The following RIC8B variants were observed in gnomAD, a reference collection of about 807,000 sequenced individuals.
RIC8B encodes the protein RIC8 guanine nucleotide exchange factor B, also known as chaperone Ric-8B.
RIC8B carries 16 observed loss-of-function variants against 57.5 expected under a neutral mutation model. The observed-to-expected ratio is 0.28, with a 90% confidence interval of 0.19 to 0.42. The LOEUF (loss-of-function observed/expected upper bound fraction) is 0.42, where lower values mean the gene tolerates loss of function less well. Among genes scored for constraint, RIC8B ranks in the 10% least tolerant of loss-of-function variants. The pLI, the probability that RIC8B is intolerant of heterozygous loss-of-function variation, is 1.00. For synonymous variants in RIC8B, 216 were observed against 250.8 expected, an observed-to-expected ratio of 0.86 and a Z score of 1.31; for missense variants, 481 against 677.0, an observed-to-expected ratio of 0.71 and a Z score of 3.21.
rs1951219267 is a variant in RIC8B, at chr12:106,887,227, G to A, written c.*1212G>A. ...TCATATATATACATATATACATAAT[G>A]TGCTTAACCACTGCCTTTTAAAACT... On this transcript the variant is annotated 3_prime_UTR_variant, in exon 10 of 10. Coordinates refer to ENST00000392837, the MANE Select transcript of RIC8B (RefSeq NM_001330145.2). The A allele has an allele frequency of 6.6e-6, 1 of 152,424 alleles. No individual in the cohort carries two copies. The highest frequency in any genetic ancestry group is 2.4e-5 in the African/African-American group (1 of 41,354). The allele number at this position is 152,424 out of a possible 1,614,324, so 9.4% of individuals were successfully genotyped here.
chr12:106,800,275 T>C (rs565523817), intron 2 of RIC8B, among the ~76,000 whole-genome samples: 6 of 152,244 alleles, frequency 3.9e-5, no homozygotes, highest in Middle Eastern at 3.4e-3. Context: ...GCAGCATCTT[T>C]CCGGGGAAGC....
intron 1 of RIC8B, among the ~76,000 whole-genome samples, chr12:106,777,494 G>A (rs776805067): frequency 4.6e-4 from 70 of 152,180 alleles, no homozygotes; most frequent in Admixed American, 8.5e-4. Context: ...GCATTGAGGA[G>A]TCCAACAGAG....
intron 6 of RIC8B, among the ~76,000 whole-genome samples, chr12:106,850,311 A>G (rs1206727357): frequency 3.3e-5 from 5 of 152,276 alleles, no homozygotes; most frequent in Admixed American, 6.5e-5. Flanking sequence ...ATAAAAAGCC[A>G]TAAAACTGGA....
At chr12:106,806,320 G>T (rs979774904) in intron 2 of RIC8B, among the ~76,000 whole-genome samples, 2 of 152,126 alleles carry the variant, frequency 1.3e-5, no homozygotes, top group African/African-American at 4.8e-5. Flanking sequence ...TCTTTCATCT[G>T]CATTTCAAAC....
intron 3 of RIC8B, among the ~76,000 whole-genome samples, chr12:106,819,008 G>A (rs191119402): frequency 1.1e-4 from 16 of 152,054 alleles, no homozygotes; most frequent in African/African-American, 2.9e-4. Context: ...TCAGTGATCC[G>A]CCCACCTTGG....
At chr12:106,872,298 G>C (rs1950466370) in intron 9 of RIC8B, among the ~76,000 whole-genome samples, 1 of 152,188 alleles carries the variant, frequency 6.6e-6, no homozygotes. Flanking sequence ...ATAAAGATAA[G>C]ATGTGTGCTT....
rs141083683 is a variant in RIC8B, at chr12:106,790,144, C to T, written c.132+6100C>T. On this transcript the variant is annotated intron_variant, in intron 2 of 9. Coordinates refer to ENST00000392837, the MANE Select transcript of RIC8B (RefSeq NM_001330145.2). ...ATGAATGACAGCTTGCTAACACTCA[C>T]ACCACTAGTTAGTGGTTCAGCCTCA... Among the ~76,000 whole-genome samples the T allele has an allele frequency of 5.1e-3, 780 of 152,284 alleles. 4 individuals carry two copies. Among genetic ancestry groups the T allele is most frequent in the African/African-American group, 0.018 (755 of 41,560 alleles).
intron 9 of RIC8B, among the ~76,000 whole-genome samples, chr12:106,871,939 T>C (rs995312235): frequency 2.0e-5 from 3 of 152,168 alleles, no homozygotes; most frequent in African/African-American, 7.2e-5. Context: ...GAGACTGACA[T>C]GGGGAGTGTG....
intron 4 of RIC8B, 37 bp from the exon 5 acceptor site, chr12:106,842,552 C>G (rs1237712254): frequency 6.7e-7 from 1 of 1,493,650 alleles, no homozygotes; most frequent in African/African-American, 1.4e-5. Flanking sequence ...ACTATTCAAT[C>G]AAGTTAAAAT....
chr12:106,846,669 G>C (rs1949201010), intron 6 of RIC8B, among the ~76,000 whole-genome samples: 1 of 150,702 alleles, frequency 6.6e-6, no homozygotes, highest in African/African-American at 2.4e-5. Flanking sequence ...TTTTCCACAA[G>C]GGATCCAGGT....
intron 7 of RIC8B, among the ~76,000 whole-genome samples, chr12:106,857,667 CT>C (rs979091379): frequency 6.6e-6 from 1 of 152,114 alleles, no homozygotes; most frequent in Admixed American, 6.5e-5. Flanking sequence ...CCCAGAAAAT[CT>C]TTTGTTTGCA....
intron 6 of RIC8B, among the ~76,000 whole-genome samples, chr12:106,849,452 C>G (rs1390984008): frequency 7.1e-6 from 1 of 140,530 alleles, no homozygotes. Context: ...CATGCCCGGC[C>G]AAAAATTAAA....
At chr12:106,841,044 A>G (rs1278472937) in intron 4 of RIC8B, among the ~76,000 whole-genome samples, 1 of 152,212 alleles carries the variant, frequency 6.6e-6, no homozygotes, top group Non-Finnish European at 1.5e-5. Flanking sequence ...AAACGTTCTG[A>G]ACTATAGATA....
At position 106,837,642 on chromosome 12, in the gene RIC8B, T is replaced by G. The variant is rs941037213; in HGVS notation, c.837-4947T>G. Among the ~76,000 whole-genome samples, 1,072 of 146,556 alleles carry G rather than the reference T, an allele frequency of 7.3e-3. 8 individuals carry two copies. The highest frequency in any genetic ancestry group is 0.012 in the Non-Finnish European group (815 of 66,244). On this transcript the variant is annotated intron_variant, in intron 4 of 9. Coordinates refer to ENST00000392837, the MANE Select transcript of RIC8B (RefSeq NM_001330145.2). ...TATTTACATCTGAAAATCTTTTGTT[T>G]TTTTTTTTTTTTTTTTTGACAGAGA...
chr12:106,775,822 A>T lies in RIC8B; in HGVS notation c.84+993A>T, dbSNP rs1054256711. Reference sequence around the variant, plus strand: ...ATGACTGGCGACTCCCTTCTGTGAAAACACACCCAACACCAAGTCACAACC... The same window carrying T: ...ATGACTGGCGACTCCCTTCTGTGAATACACACCCAACACCAAGTCACAACC... On this transcript the variant is annotated intron_variant, in intron 1 of 9. Transcript: ENST00000392837. Among the ~76,000 whole-genome samples the T allele has an allele frequency of 6.6e-5, 10 of 152,212 alleles. No individual in the cohort carries two copies. In the East Asian group the frequency reaches 1.3e-3, roughly 20 times the overall value.
At chr12:106,818,628 T>A (rs1014083673) in intron 3 of RIC8B, among the ~76,000 whole-genome samples, 8 of 152,188 alleles carry the variant, frequency 5.3e-5, no homozygotes, top group African/African-American at 1.9e-4. Flanking sequence ...TTTTTTATTC[T>A]TTTAAGACGT....
At position 106,794,949 on chromosome 12, in the gene RIC8B, A is replaced by G. The variant is rs377031398; in HGVS notation, c.132+10905A>G. Among the ~76,000 whole-genome samples the G allele has an allele frequency of 7.2e-5, 11 of 152,348 alleles. No individual in the cohort carries two copies. The East Asian group carries it at 9.6e-4, about 13-fold the overall frequency. ...ATTTGTATAAAACGATATGTATATA[A>G]TGTATTGTTCAGTCAGTAATATAGA... On this transcript the variant is annotated intron_variant, in intron 2 of 9. Transcript: ENST00000392837.
chr12:106,873,971 GT>G, intron 9 of RIC8B, among the ~76,000 whole-genome samples: 1 of 152,290 alleles, frequency 6.6e-6, no homozygotes, highest in Non-Finnish European at 1.5e-5. Context: ...AGCTCAGGTT[GT>G]TTTATCATTA....
chr12:106,860,441 C>CA (rs753118967), intron 8 of RIC8B, 29 bp downstream of exon 8: 1 of 1,469,998 alleles, frequency 6.8e-7, no homozygotes, highest in Non-Finnish European at 9.1e-7. Flanking sequence ...TTTCACCTAA[C>CA]TATGGCTGTG....
Sources: gnomAD v4.1 joint callset for allele counts (sites outside exome capture counted in the v4.1 genomes callset) on GRCh38, gnomAD v4.1.1 for gene constraint, MANE v1.5 for transcripts, NCBI Gene and HGNC (gene_info 2026-07-23, HGNC 2026-07-21) for gene names.